Variants in STK3 observed in about 807,000 individuals in gnomAD.
STK3 encodes the protein serine/threonine kinase 3, also known as serine/threonine-protein kinase 3.
Under a neutral mutation model 58.0 loss-of-function variants are expected in STK3, and 41 were observed. That is an observed-to-expected ratio of 0.71 (90% CI 0.55 to 0.92). The LOEUF is 0.92. Ranked by LOEUF, STK3 falls within the 40% of genes least tolerant of loss-of-function variation. The pLI, the probability that STK3 is intolerant of heterozygous loss-of-function variation, is 0.00. For missense variants in STK3, 479 were observed against 602.7 expected (o/e 0.79, Z 2.15); for synonymous variants, 170 against 191.0 (o/e 0.89, Z 0.91).
intron 1 of STK3, among the ~76,000 whole-genome samples, chr8:98,782,962 C>T (rs527989166): frequency 6.1e-4 from 92 of 151,866 alleles, no homozygotes; most frequent in African/African-American, 2.1e-3. Context: ...TAAACCCACA[C>T]AGATGCATCA....
chr8:98,468,213 A>C (rs1040235998), intron 10 of STK3, among the ~76,000 whole-genome samples: 1 of 152,246 alleles, frequency 6.6e-6, no homozygotes, highest in African/African-American at 2.4e-5. Context: ...AAAACACTTC[A>C]AAAGAAAAAA....
intron 6 of STK3, among the ~76,000 whole-genome samples, chr8:98,704,382 A>C (rs1218160125): frequency 6.6e-6 from 1 of 152,194 alleles, no homozygotes; most frequent in Non-Finnish European, 1.5e-5. Flanking sequence ...AATAAACTAT[A>C]TTATGTTTGG....
intron 4 of STK3, among the ~76,000 whole-genome samples, chr8:98,745,780 G>A (rs919298789): frequency 2.6e-5 from 4 of 151,900 alleles, no homozygotes; most frequent in Non-Finnish European, 5.9e-5. Context: ...AGATGTAAAG[G>A]AGGATCAACC....
intron 1 of STK3, among the ~76,000 whole-genome samples, chr8:98,914,628 T>C (rs1435295331): frequency 1.3e-5 from 2 of 152,224 alleles, no homozygotes; most frequent in African/African-American, 4.8e-5. Context: ...TGGATTGTTT[T>C]CTGTCCTCTC....
At chr8:98,742,815 G>A (rs1311781860) in intron 4 of STK3, among the ~76,000 whole-genome samples, 1 of 151,880 alleles carries the variant, frequency 6.6e-6, no homozygotes, top group Non-Finnish European at 1.5e-5. Flanking sequence ...TGACATGATT[G>A]GATATCTAGA....
At chr8:98,525,211 G>A (rs766837128) in intron 10 of STK3, among the ~76,000 whole-genome samples, 22 of 152,140 alleles carry the variant, frequency 1.4e-4, no homozygotes, top group Non-Finnish European at 2.9e-4. Context: ...ATAAGTAGGA[G>A]CTAAACAATG....
chr8:98,353,363 T>C, the STK3 span, among the ~76,000 whole-genome samples: 5 of 152,242 alleles, frequency 3.3e-5, no homozygotes, highest in African/African-American at 1.2e-4. Context: ...TGGTTGTGCA[T>C]GCCTGTGGTC....
intron 1 of STK3, among the ~76,000 whole-genome samples, chr8:98,777,421 G>A (rs1410772067): frequency 6.6e-6 from 1 of 151,714 alleles, no homozygotes; most frequent in Non-Finnish European, 1.5e-5. Flanking sequence ...CCAGCTACTT[G>A]GGAGACTGAG....
intron 3 of STK3, among the ~76,000 whole-genome samples, chr8:98,764,569 C>T (rs138032252): frequency 1.3e-5 from 2 of 152,224 alleles, no homozygotes; most frequent in African/African-American, 2.4e-5. Flanking sequence ...GATGATGATG[C>T]CTTTGATACA....
At chr8:98,760,841 C>G (rs1307477609) in intron 3 of STK3, among the ~76,000 whole-genome samples, 1 of 151,548 alleles carries the variant, frequency 6.6e-6, no homozygotes, top group Non-Finnish European at 1.5e-5. Context: ...CCTCTAGTAT[C>G]ACAACTCAAA....
chr8:98,857,061 G>A (rs948047173), intron 3 of STK3, among the ~76,000 whole-genome samples: 2 of 152,180 alleles, frequency 1.3e-5, no homozygotes, highest in Non-Finnish European at 2.9e-5. Context: ...GAGGACAGGG[G>A]GAAGACAGTG....
At chr8:98,749,633 G>A (rs939306137) in intron 3 of STK3, among the ~76,000 whole-genome samples, 2 of 151,974 alleles carry the variant, frequency 1.3e-5, no homozygotes, top group Non-Finnish European at 2.9e-5. Context: ...GAGTGATTCT[G>A]AAGAAAATAA....
At chr8:98,688,208 C>T (rs1178712287) in intron 6 of STK3, among the ~76,000 whole-genome samples, 2 of 152,164 alleles carry the variant, frequency 1.3e-5, no homozygotes, top group African/African-American at 2.4e-5. Flanking sequence ...TTCAGTTATA[C>T]AAGAAGACTT....
At chr8:98,609,399 C>G (rs1304781968) in intron 6 of STK3, among the ~76,000 whole-genome samples, 1 of 152,040 alleles carries the variant, frequency 6.6e-6, no homozygotes, top group African/African-American at 2.4e-5. Context: ...TTTATCTCAG[C>G]TATTTAAATA....
intron 10 of STK3, among the ~76,000 whole-genome samples, chr8:98,475,855 CT>C (rs1671932798): frequency 6.6e-6 from 1 of 152,178 alleles, no homozygotes; most frequent in Non-Finnish European, 1.5e-5. Flanking sequence ...GAATTTCTTG[CT>C]TTTTCTGCCT....
In STK3 at chr8:98,612,400, C is replaced by T. The variant is rs546135206; in HGVS notation, c.685-16231G>A. 1.3e-4 allele frequency among the ~76,000 whole-genome samples: 19 copies of T among 148,356 alleles called. No individual in the cohort carries two copies. In the East Asian group the frequency reaches 1.6e-3, roughly 12 times the overall value. On this transcript the variant is annotated intron_variant, in intron 6 of 10. Coordinates refer to ENST00000419617, the MANE Select transcript of STK3 (RefSeq NM_006281.4). Reference sequence around the variant, plus strand: ...GTTTCTAAACATATATATATATATACACACACACACATATGAATTCTATAT... The same window carrying T: ...GTTTCTAAACATATATATATATATATACACACACACATATGAATTCTATAT...
chr8:98,875,392 C>T (rs1837530876), intron 3 of STK3: 1 of 152,226 alleles, frequency 6.6e-6, no homozygotes, highest in South Asian at 2.1e-4. Context: ...GGAAGTCAGG[C>T]TGAATGTTAC....
At chr8:98,746,728 C>A (rs1829666984) in intron 4 of STK3, among the ~76,000 whole-genome samples, 2 of 152,132 alleles carry the variant, frequency 1.3e-5, no homozygotes, top group Non-Finnish European at 2.9e-5. Flanking sequence ...CTTTACCCAG[C>A]AAATATACTG....
intron 8 of STK3, among the ~76,000 whole-genome samples, chr8:98,561,826 C>G (rs1234591759): frequency 6.6e-6 from 1 of 152,012 alleles, no homozygotes; most frequent in Non-Finnish European, 1.5e-5. Flanking sequence ...AATAAGAAAA[C>G]AGACAACACA....
Sources: allele counts gnomAD v4.1 joint callset (sites outside exome capture counted in the v4.1 genomes callset), GRCh38; gene constraint gnomAD v4.1.1; transcripts MANE v1.5; gene names NCBI Gene and HGNC (gene_info 2026-07-23, HGNC 2026-07-21).